The following AKT3 variants were observed in gnomAD, a reference collection of about 807,000 sequenced individuals.
AKT3 encodes AKT serine/threonine kinase 3.
Under a neutral mutation model 65.3 loss-of-function variants are expected in AKT3, and 15 were observed. The ratio of observed to expected loss-of-function variants is 0.23; its 90% CI spans 0.15 to 0.35. The LOEUF is 0.35. Ranked by LOEUF, AKT3 falls within the 10% of genes least tolerant of loss-of-function variation. AKT3 has a pLI of 1.00. For synonymous variants in AKT3, 206 were observed against 183.8 expected (o/e 1.12, Z -0.98); for missense variants, 243 against 576.5 (o/e 0.42, Z 5.92).
intron 12 of AKT3, among the ~76,000 whole-genome samples, chr1:243,538,582 G>A (rs1156565476): frequency 6.6e-6 from 1 of 152,112 alleles, no homozygotes; most frequent in Non-Finnish European, 1.5e-5. Flanking sequence ...AAGGTATAAT[G>A]ATGGGAAAAG....
chr1:243,682,101 A>G (rs1415311227), intron 3 of AKT3, among the ~76,000 whole-genome samples: 2 of 152,188 alleles, frequency 1.3e-5, no homozygotes, highest in East Asian at 3.9e-4. Flanking sequence ...AAAATGACAC[A>G]CTAAAAAAAA....
intron 2 of AKT3, among the ~76,000 whole-genome samples, chr1:243,790,817 GGAGT>G (rs1691586384): frequency 6.6e-6 from 1 of 152,086 alleles, no homozygotes; most frequent in South Asian, 2.1e-4. Flanking sequence ...TTGTGTCTCA[GGAGT>G]GAGAGAGACA....
intron 2 of AKT3, chr1:243,794,455 A>C (rs887237478): frequency 1.3e-5 from 2 of 152,266 alleles, no homozygotes; most frequent in African/African-American, 4.8e-5. Flanking sequence ...ACTGCCATTT[A>C]TAACATTATA....
intron 2 of AKT3, among the ~76,000 whole-genome samples, chr1:243,776,509 A>C (rs750255807): frequency 6.6e-6 from 1 of 152,190 alleles, no homozygotes; most frequent in Non-Finnish European, 1.5e-5. Context: ...GCACAGCAAG[A>C]AGCCAGAAAG....
chr1:243,607,365 A>G lies in AKT3; in HGVS notation c.696+6306T>C, dbSNP rs540343227. On this transcript the variant is annotated intron_variant, in intron 8 of 13. Coordinates refer to ENST00000673466, the MANE Select transcript of AKT3 (RefSeq NM_005465.7). Reference sequence around the variant, plus strand: ...GCCATAGGAGCCCACCTCTTGCATCAGCATGATCTGGATGTCAGACACGGA... The same window carrying G: ...GCCATAGGAGCCCACCTCTTGCATCGGCATGATCTGGATGTCAGACACGGA... 2.6e-5 allele frequency among the ~76,000 whole-genome samples: 4 copies of G among 152,364 alleles called. No homozygotes were observed. The East Asian group carries it at 7.7e-4, about 29-fold the overall frequency.
intron 1 of AKT3, among the ~76,000 whole-genome samples, chr1:243,846,898 T>G (rs1001073106): frequency 1.3e-5 from 2 of 152,348 alleles, no homozygotes; most frequent in Non-Finnish European, 1.5e-5. Context: ...TAGCAGGGGT[T>G]GTTTGAAAGA....
At chr1:243,786,331 T>G (rs1418908152) in intron 2 of AKT3, among the ~76,000 whole-genome samples, 3 of 152,196 alleles carry the variant, frequency 2.0e-5, no homozygotes, top group Non-Finnish European at 4.4e-5. Flanking sequence ...CCCAAAGACT[T>G]CTAATTGAAA....
intron 6 of AKT3, 71 bp downstream of exon 6, chr1:243,637,540 A>C: frequency 7.4e-7 from 1 of 1,344,218 alleles, no homozygotes; most frequent in Non-Finnish European, 1.0e-6. Context: ...TTAGCATGTA[A>C]ATTCATGAGC....
At chr1:243,838,435 T>G (rs1695031827) in intron 2 of AKT3, among the ~76,000 whole-genome samples, 1 of 152,078 alleles carries the variant, frequency 6.6e-6, no homozygotes, top group East Asian at 1.9e-4. Context: ...GTCATTTTCT[T>G]TCTCCTAATC....
chr1:243,505,155 C>A lies in AKT3; in HGVS notation c.*94G>T. On this transcript the variant is annotated 3_prime_UTR_variant, in exon 14 of 14. Transcript: ENST00000673466. Reference sequence around the variant, plus strand: ...GCTGGTCTGGGATGTCGGAAGGTGCCCCTGCTATGTGTAAGAGCTAGGACT... The same window carrying A: ...GCTGGTCTGGGATGTCGGAAGGTGCACCTGCTATGTGTAAGAGCTAGGACT... The A allele has an allele frequency of 8.4e-7, 1 of 1,186,416 alleles. No homozygotes were observed. The highest frequency in any genetic ancestry group is 1.3e-5 in the South Asian group (1 of 75,742). The allele number at this position is 1,186,416 out of a possible 1,614,324, so 73.5% of individuals were successfully genotyped here.
chr1:243,746,286 T>C (rs1404078924), intron 2 of AKT3, among the ~76,000 whole-genome samples: 3 of 152,246 alleles, frequency 2.0e-5, no homozygotes, highest in African/African-American at 7.2e-5. Flanking sequence ...ATGGTTGTTA[T>C]TTTCATAATA....
intron 2 of AKT3, among the ~76,000 whole-genome samples, chr1:243,821,369 C>CTG (rs1693842955): frequency 6.6e-6 from 1 of 152,170 alleles, no homozygotes; most frequent in African/African-American, 2.4e-5. Flanking sequence ...GAAGCAGCTA[C>CTG]ATCAACACGT....
In AKT3 at chr1:243,499,924, A is replaced by G; in HGVS notation, c.*5325T>C. 1 of 782,134 alleles carries G rather than the reference A, an allele frequency of 1.3e-6. No homozygotes were observed. The highest frequency in any genetic ancestry group is 2.2e-6 in the Non-Finnish European group (1 of 454,890). The allele number at this position is 782,134 out of a possible 1,614,324, so 48.4% of individuals were successfully genotyped here. A position where few individuals can be genotyped will look rare whatever the true frequency, so the allele number is the denominator to read the frequency against. ...CCTGCAGTGGGGCTGGTCCTCATCA[A>G]CGCGGGCGCTGTCCCCGCACGCAGT... is the stretch of plus-strand genomic sequence containing the variant. On this transcript the variant is annotated 3_prime_UTR_variant, in exon 14 of 14. Transcript: ENST00000673466.
intron 2 of AKT3, among the ~76,000 whole-genome samples, chr1:243,713,913 C>T (rs943062460): frequency 9.2e-5 from 14 of 151,878 alleles, no homozygotes; most frequent in Non-Finnish European, 1.9e-4. Context: ...GAGGCTCACA[C>T]AGTAATTAGT....
intron 12 of AKT3, among the ~76,000 whole-genome samples, chr1:243,532,029 T>G (rs1243406795): frequency 6.6e-6 from 1 of 152,226 alleles, no homozygotes; most frequent in Non-Finnish European, 1.5e-5. Flanking sequence ...TGTTTTAGGG[T>G]TTTCTACATA....
At chr1:243,593,555 T>C (rs1436212431) in intron 8 of AKT3, among the ~76,000 whole-genome samples, 2 of 152,158 alleles carry the variant, frequency 1.3e-5, no homozygotes, top group Non-Finnish European at 1.5e-5. Flanking sequence ...GGTGCAGTGG[T>C]GGGCACCTGT....
At chr1:243,590,734 C>T (rs1482073334) in intron 8 of AKT3, among the ~76,000 whole-genome samples, 1 of 151,774 alleles carries the variant, frequency 6.6e-6, no homozygotes, top group African/African-American at 2.4e-5. Flanking sequence ...GCTAAAGAAT[C>T]GATATAAATT....
intron 8 of AKT3, among the ~76,000 whole-genome samples, chr1:243,587,891 A>G (rs1444196632): frequency 6.6e-6 from 1 of 152,190 alleles, no homozygotes; most frequent in Admixed American, 6.5e-5. Flanking sequence ...CAACTGCCCT[A>G]AACATTTGAT....
intron 6 of AKT3, among the ~76,000 whole-genome samples, chr1:243,636,706 C>T (rs1431051938): frequency 2.0e-5 from 3 of 152,008 alleles, no homozygotes; most frequent in Admixed American, 2.0e-4. Flanking sequence ...TTCCAAATGC[C>T]CCTAAGAGAC....
Sources: allele counts gnomAD v4.1 joint callset (sites outside exome capture counted in the v4.1 genomes callset), GRCh38; gene constraint gnomAD v4.1.1; transcripts MANE v1.5; gene names NCBI Gene and HGNC (gene_info 2026-07-23, HGNC 2026-07-21).